Variants in DYM observed in about 807,000 individuals in gnomAD.
The protein encoded by DYM is dyggve-Melchior-Clausen syndrome protein.
DYM carries 78 observed loss-of-function variants against 93.1 expected under a neutral mutation model. The observed-to-expected ratio is 0.84, with a 90% confidence interval of 0.70 to 1.01. The LOEUF (loss-of-function observed/expected upper bound fraction) is 1.01. Among genes scored for constraint, DYM ranks in the 50% least tolerant of loss-of-function variants. DYM has a pLI of 0.00. For synonymous variants in DYM, 321 were observed against 319.7 expected, an observed-to-expected ratio of 1.00 and a Z score of -0.04; for missense variants, 789 against 845.0, an observed-to-expected ratio of 0.93 and a Z score of 0.82.
intron 14 of DYM, among the ~76,000 whole-genome samples, chr18:49,196,493 T>A (rs2091463210): frequency 6.6e-6 from 1 of 152,030 alleles, no homozygotes; most frequent in African/African-American, 2.4e-5. Flanking sequence ...GAACTAATGA[T>A]CTACTCTTAG....
At chr18:49,221,765 G>A (rs2093367704) in intron 13 of DYM, among the ~76,000 whole-genome samples, 1 of 152,216 alleles carries the variant, frequency 6.6e-6, no homozygotes, top group South Asian at 2.1e-4. Flanking sequence ...GTGGGGTGGG[G>A]GAAGGAGGGA....
chr18:49,177,917 T>A (rs760402941), intron 14 of DYM, among the ~76,000 whole-genome samples: 2 of 152,080 alleles, frequency 1.3e-5, no homozygotes, highest in Non-Finnish European at 2.9e-5. Context: ...TTCTTTGAGT[T>A]AAAGTTCTAA....
At chr18:49,231,613 A>G (rs1406967727) in intron 13 of DYM, among the ~76,000 whole-genome samples, 1 of 152,220 alleles carries the variant, frequency 6.6e-6, no homozygotes, top group Non-Finnish European at 1.5e-5. Context: ...ATACTGAAAT[A>G]CATGAACGAG....
intron 2 of DYM, among the ~76,000 whole-genome samples, chr18:49,421,257 C>T (rs991271451): frequency 1.1e-4 from 16 of 152,078 alleles, no homozygotes; most frequent in Non-Finnish European, 7.4e-5. Flanking sequence ...CAGTAGGGGC[C>T]GACTGACACC....
intron 11 of DYM, among the ~76,000 whole-genome samples, chr18:49,265,112 A>G (rs2094246582): frequency 6.6e-6 from 1 of 152,222 alleles, no homozygotes; most frequent in Non-Finnish European, 1.5e-5. Flanking sequence ...CTCACTAAAC[A>G]ATATATGTGC....
At chr18:49,227,303 A>G (rs2093567549) in intron 13 of DYM, among the ~76,000 whole-genome samples, 1 of 152,194 alleles carries the variant, frequency 6.6e-6, no homozygotes. Flanking sequence ...GAAGTTAGAT[A>G]ATCTGGAGCC....
Position 49,326,175 on chromosome 18 carries a change from G to A in DYM, c.763+5689C>T, listed in dbSNP as rs533049638. Among the ~76,000 whole-genome samples the A allele has an allele frequency of 1.1e-4, 17 of 152,070 alleles. 1 individual carries two copies. In the South Asian group the frequency reaches 2.5e-3, roughly 22 times the overall value. Reference sequence around the variant, plus strand: ...TTTTTTAAGTATGCCAGGTGGTTCTGGAATTCTATGATTCAGTAAAAAGTT... The same window carrying A: ...TTTTTTAAGTATGCCAGGTGGTTCTAGAATTCTATGATTCAGTAAAAAGTT... On this transcript the variant is annotated intron_variant, in intron 8 of 17. Transcript: ENST00000675505.
intron 8 of DYM, among the ~76,000 whole-genome samples, chr18:49,297,111 G>A (rs1767950732): frequency 1.3e-5 from 2 of 152,146 alleles, no homozygotes; most frequent in African/African-American, 4.8e-5. Flanking sequence ...CTAAATATAG[G>A]TGTCAATTGG....
At chr18:49,105,258 C>T (rs182143237) in intron 16 of DYM, among the ~76,000 whole-genome samples, 3 of 152,164 alleles carry the variant, frequency 2.0e-5, no homozygotes, top group Admixed American at 2.0e-4. Context: ...GTAATATCTC[C>T]CTTATCATTT....
chr18:49,147,348 G>T (rs962838657), intron 15 of DYM, among the ~76,000 whole-genome samples: 12 of 151,588 alleles, frequency 7.9e-5, no homozygotes, highest in African/African-American at 2.9e-4. Context: ...TGACAAATGG[G>T]ATGTAATTAA....
intron 4 of DYM, among the ~76,000 whole-genome samples, chr18:49,379,464 T>C (rs2067831204): frequency 1.3e-5 from 2 of 152,190 alleles, no homozygotes; most frequent in South Asian, 4.1e-4. Flanking sequence ...TCTAAAAAGC[T>C]GAAATCAGAT....
At chr18:49,064,504 C>T (rs1047900138) in intron 17 of DYM, among the ~76,000 whole-genome samples, 1 of 152,140 alleles carries the variant, frequency 6.6e-6, no homozygotes, top group Non-Finnish European at 1.5e-5. Flanking sequence ...TTCATACTCC[C>T]TAAAGAAACT....
intron 14 of DYM, among the ~76,000 whole-genome samples, chr18:49,165,434 T>C (rs2087741854): frequency 1.3e-5 from 2 of 152,110 alleles, no homozygotes; most frequent in Non-Finnish European, 2.9e-5. Flanking sequence ...ATGCCAAAAC[T>C]TCACTGTAGT....
At chr18:49,333,944 C>A in intron 6 of DYM, 91 bp from the exon 7 acceptor site, 2 of 1,347,172 alleles carry the variant, frequency 1.5e-6, no homozygotes, top group South Asian at 2.5e-5. Context: ...AAACTCAAAT[C>A]TAAATATTCA....
At chr18:49,046,510 CACAT>C (rs1380012420) in intron 17 of DYM, among the ~76,000 whole-genome samples, 2 of 151,426 alleles carry the variant, frequency 1.3e-5, no homozygotes, top group Non-Finnish European at 2.9e-5. Context: ...CACAGACATG[CACAT>C]ACAGACACAC....
intron 6 of DYM, among the ~76,000 whole-genome samples, chr18:49,343,951 T>TAAA: frequency 7.4e-6 from 1 of 135,344 alleles, no homozygotes. Flanking sequence ...TACACCACAT[T>TAAA]AAAAAAAAAA....
intron 1 of DYM, among the ~76,000 whole-genome samples, chr18:49,436,606 G>A (rs1385750913): frequency 2.0e-5 from 3 of 152,136 alleles, no homozygotes; most frequent in Non-Finnish European, 2.9e-5. Flanking sequence ...CTTGTTTACA[G>A]TGTGCTATTT....
chr18:49,088,107 C>G lies in DYM; in HGVS notation c.2025+9295G>C, dbSNP rs1357715594. ...GGTAGTTTCTTTTGCTGTGCAGAAG[C>G]TCTTTAGTTTAATTAGATCCCATTT... On this transcript the variant is annotated intron_variant, in intron 17 of 17. Transcript: ENST00000675505. 2.6e-5 allele frequency among the ~76,000 whole-genome samples: 4 copies of G among 152,040 alleles called. No homozygotes were observed. In the East Asian group the frequency reaches 7.7e-4, roughly 29 times the overall value.
intron 6 of DYM, among the ~76,000 whole-genome samples, chr18:49,338,130 A>G (rs1029809184): frequency 1.3e-5 from 2 of 152,240 alleles, no homozygotes; most frequent in African/African-American, 4.8e-5. Flanking sequence ...ATACAAGATC[A>G]ACTTTGAAAG....
Sources: gnomAD v4.1 joint callset for allele counts (sites outside exome capture counted in the v4.1 genomes callset) on GRCh38, gnomAD v4.1.1 for gene constraint, MANE v1.5 for transcripts, NCBI Gene and HGNC (gene_info 2026-07-23, HGNC 2026-07-21) for gene names.